The following SV2C variants were observed in gnomAD, a reference collection of about 807,000 sequenced individuals.
SV2C encodes the protein solute carrier family 22 member B3.
Under a neutral mutation model 79.7 loss-of-function variants are expected in SV2C, and 49 were observed. The ratio of observed to expected loss-of-function variants is 0.61; its 90% CI spans 0.49 to 0.78. The LOEUF (loss-of-function observed/expected upper bound fraction) is 0.78. Among genes scored for constraint, SV2C ranks in the 30% least tolerant of loss-of-function variants. The pLI, the probability that SV2C is intolerant of heterozygous loss-of-function variation, is 0.00. For synonymous variants in SV2C, 334 were observed against 333.2 expected, an observed-to-expected ratio of 1.00 and a Z score of -0.03; for missense variants, 833 against 912.9, an observed-to-expected ratio of 0.91 and a Z score of 1.13.
chr5:76,291,952 T>C, intron 8 of SV2C, 96 bp downstream of exon 8: 1 of 871,200 alleles, frequency 1.1e-6, no homozygotes, highest in Admixed American at 2.8e-5. Flanking sequence ...TGCTTGATGC[T>C]GTTAACCTGC....
the SV2C span, among the ~76,000 whole-genome samples, chr5:75,985,930 A>C: frequency 6.6e-6 from 1 of 151,744 alleles, no homozygotes; most frequent in Non-Finnish European, 1.5e-5. Flanking sequence ...TATTAATCTG[A>C]ATAATCTCAG....
At chr5:75,883,534 G>T in the SV2C span, among the ~76,000 whole-genome samples, 23 of 147,214 alleles carry the variant, frequency 1.6e-4, no homozygotes, top group African/African-American at 5.3e-4. Flanking sequence ...CATGTCCTTT[G>T]TAGGGACATG....
chr5:76,287,862 G>T (rs184765404), intron 6 of SV2C, among the ~76,000 whole-genome samples: 2 of 152,130 alleles, frequency 1.3e-5, no homozygotes, highest in African/African-American at 4.8e-5. Context: ...TGAGGTGGGC[G>T]GATTACAAGG....
chr5:76,147,509 C>G (rs529356056), intron 2 of SV2C, among the ~76,000 whole-genome samples: 1 of 152,228 alleles, frequency 6.6e-6, no homozygotes, highest in Non-Finnish European at 1.5e-5. Flanking sequence ...GGGTCCAGAG[C>G]ACTTCAGCAT....
chr5:76,125,607 G>A (rs2112172116), intron 1 of SV2C, among the ~76,000 whole-genome samples: 1 of 152,300 alleles, frequency 6.6e-6, no homozygotes, highest in Non-Finnish European at 1.5e-5. Flanking sequence ...TCCACATGAA[G>A]TAAGTGTGAG....
chr5:75,924,873 G>T, the SV2C span, among the ~76,000 whole-genome samples: 2 of 151,786 alleles, frequency 1.3e-5, no homozygotes, highest in African/African-American at 4.8e-5. Context: ...AATCAAGATG[G>T]GATATCTAGA....
At chr5:76,021,631 G>T in the SV2C span, among the ~76,000 whole-genome samples, 2 of 152,144 alleles carry the variant, frequency 1.3e-5, no homozygotes, top group African/African-American at 4.8e-5. Context: ...ATACAGGAGA[G>T]GTCTAAAAAT....
intron 12 of SV2C, among the ~76,000 whole-genome samples, chr5:76,319,259 AAC>A (rs1186876313): frequency 4.7e-5 from 7 of 149,868 alleles, no homozygotes; most frequent in South Asian, 2.1e-4. Flanking sequence ...AAAAAAAAAA[AAC>A]ACAAAAAATT....
At chr5:76,088,186 A>T (rs1454888267) in intron 1 of SV2C, among the ~76,000 whole-genome samples, 4 of 152,180 alleles carry the variant, frequency 2.6e-5, no homozygotes, top group African/African-American at 9.6e-5. Context: ...CCAGCCTCTA[A>T]GCCTCTGTTA....
At chr5:75,914,670 C>A in the SV2C span, among the ~76,000 whole-genome samples, 1 of 152,086 alleles carries the variant, frequency 6.6e-6, no homozygotes. Context: ...TAATGTATAT[C>A]CAAATCTAAA....
At chr5:76,320,869 A>G (rs952181771) in intron 12 of SV2C, among the ~76,000 whole-genome samples, 4 of 152,222 alleles carry the variant, frequency 2.6e-5, no homozygotes, top group Admixed American at 2.6e-4. Context: ...AGATTCTGTC[A>G]TACTCTTCCC....
chr5:75,936,433 T>A, the SV2C span, among the ~76,000 whole-genome samples: 1 of 152,236 alleles, frequency 6.6e-6, no homozygotes, highest in South Asian at 2.1e-4. Context: ...TTTTGAATTG[T>A]GAAATTAATT....
chr5:76,098,376 A>G (rs960775907), intron 1 of SV2C, among the ~76,000 whole-genome samples: 3 of 152,192 alleles, frequency 2.0e-5, no homozygotes, highest in Non-Finnish European at 4.4e-5. Context: ...TTTAAGGGCA[A>G]TTCAGAAGAA....
chr5:75,891,203 T>A, the SV2C span, among the ~76,000 whole-genome samples: 1 of 152,080 alleles, frequency 6.6e-6, no homozygotes, highest in Non-Finnish European at 1.5e-5. Flanking sequence ...GACTTTTGCT[T>A]TGATCAGATT....
At chr5:76,182,983 G>A (rs1415892151) in intron 2 of SV2C, among the ~76,000 whole-genome samples, 1 of 151,120 alleles carries the variant, frequency 6.6e-6, no homozygotes, top group Non-Finnish European at 1.5e-5. Flanking sequence ...GAGAGTAGGG[G>A]GAGGTGCCAC....
At chr5:76,134,303 G>T (rs1748996273) in intron 2 of SV2C, among the ~76,000 whole-genome samples, 1 of 152,162 alleles carries the variant, frequency 6.6e-6, no homozygotes, top group Non-Finnish European at 1.5e-5. Flanking sequence ...TTTCATAACT[G>T]TGCCTTCCAG....
the SV2C span, among the ~76,000 whole-genome samples, chr5:76,036,457 C>T: frequency 8.5e-5 from 13 of 152,188 alleles, no homozygotes; most frequent in African/African-American, 3.1e-4. Flanking sequence ...CAAAATCTCT[C>T]AGCATTTGCT....
At chr5:76,241,697 TTTCTATACCACAAGGC>T (rs1199996634) in intron 4 of SV2C, among the ~76,000 whole-genome samples, 6 of 151,892 alleles carry the variant, frequency 4.0e-5, no homozygotes, top group African/African-American at 1.5e-4. Flanking sequence ...CAAATTTGTT[TTTCTATACCACAAGGC>T]TTTTGTGCCA....
intron 2 of SV2C, among the ~76,000 whole-genome samples, chr5:76,168,340 G>A (rs1743105313): frequency 6.6e-6 from 1 of 152,096 alleles, no homozygotes; most frequent in Admixed American, 6.6e-5. Flanking sequence ...TCAACTCCAT[G>A]CTTGCCCAAC....
Sources: allele counts gnomAD v4.1 joint callset (sites outside exome capture counted in the v4.1 genomes callset), GRCh38; gene constraint gnomAD v4.1.1; transcripts MANE v1.5; gene names NCBI Gene and HGNC (gene_info 2026-07-23, HGNC 2026-07-21).